Variants in ATR observed in about 807,000 individuals in gnomAD.
The protein encoded by ATR is ATR checkpoint kinase.
ATR carries 142 observed loss-of-function variants against 305.3 expected under a neutral mutation model. The ratio of observed to expected loss-of-function variants is 0.47; its 90% CI spans 0.41 to 0.53. The LOEUF is 0.53. Among genes scored for constraint, ATR ranks in the 20% least tolerant of loss-of-function variants. The pLI is 0.00. For missense variants in ATR, 2,135 were observed against 3,133.1 expected (o/e 0.68, Z 7.60); for synonymous variants, 1,050 against 1,068.1 (o/e 0.98, Z 0.33).
intron 36 of ATR, among the ~76,000 whole-genome samples, chr3:142,476,669 A>C (rs1015064268): frequency 1.3e-5 from 2 of 152,128 alleles, no homozygotes; most frequent in Non-Finnish European, 2.9e-5. Flanking sequence ...CATTGAATCT[A>C]TAAATTACCT....
At chr3:142,560,944 A>C (rs1461130986) in intron 5 of ATR, among the ~76,000 whole-genome samples, 2 of 152,222 alleles carry the variant, frequency 1.3e-5, no homozygotes, top group African/African-American at 4.8e-5. Flanking sequence ...TATAAAAAAT[A>C]GTTGGTTAAT....
chr3:142,472,782 T>C (rs1256821382), intron 36 of ATR, among the ~76,000 whole-genome samples: 1 of 151,996 alleles, frequency 6.6e-6, no homozygotes, highest in African/African-American at 2.4e-5. Flanking sequence ...GGACTGCAGG[T>C]GCATACCACC....
At chr3:142,561,121 G>T in intron 5 of ATR, 122 bp downstream of exon 5, 2 of 1,100,958 alleles carry the variant, frequency 1.8e-6, no homozygotes, top group Non-Finnish European at 2.7e-6. Context: ...GCACTCCCTT[G>T]GCTACATTTA....
intron 39 of ATR, 39 bp downstream of exon 39, chr3:142,467,895 C>G (rs1463426271): frequency 6.2e-7 from 1 of 1,603,814 alleles, no homozygotes; most frequent in African/African-American, 1.3e-5. Flanking sequence ...TACATAATTA[C>G]CCAACATCAG....
chr3:142,554,058 T>A, intron 10 of ATR, 43 bp from the exon 11 acceptor site: 1 of 1,480,034 alleles, frequency 6.8e-7, no homozygotes, highest in South Asian at 1.2e-5. Flanking sequence ...ACATATTAAA[T>A]GTCAAGGTTG....
Position 142,498,659 on chromosome 3 carries a change from T to C in ATR, c.5496A>G (p.Val1832=), listed in dbSNP as rs2031780916. 2 of 1,614,074 alleles carry C rather than the reference T, an allele frequency of 1.2e-6. No homozygotes were observed. Among genetic ancestry groups the C allele is most frequent in the East Asian group, 4.5e-5 (2 of 44,864 alleles). ...TTTCAAAGCTTGCAGCTGAAAGAGG[T>C]ACAATTTGTTCTGCTCTCACTAGTT... ...SLKLVRAEQI[V]PLSAASFERG... The change falls in exon 32 of 47, where the codon GTA becomes GTG. Residue 1832 remains valine, a synonymous_variant. Coordinates refer to ENST00000350721, the MANE Select transcript of ATR (RefSeq NM_001184.4).
intron 21 of ATR, 144 bp downstream of exon 21, chr3:142,534,936 A>G: frequency 1.1e-6 from 1 of 928,680 alleles, no homozygotes; most frequent in East Asian, 2.8e-5. Context: ...TGGATTCCTA[A>G]TTCTCAGTCA....
Position 142,536,129 on chromosome 3 carries a change from G to A in ATR, c.3798C>T (p.Ala1266=), listed in dbSNP as rs760913107. 8.8e-6 allele frequency: 14 copies of A among 1,585,610 alleles called. No individual in the cohort carries two copies. Among genetic ancestry groups the A allele is most frequent in the Admixed American group, 1.7e-5 (1 of 59,846 alleles). ...ATACCTTTCTGTATTCCTGGAGAAC[G>A]GCTTTTATCTTTTTTAATTCTGGAT... ...PDHPELKKIK[A]VLQEYRKETS... Residue 1266 remains alanine (A), a synonymous_variant, in exon 20 of 47, where the codon GCC becomes GCT. Coordinates refer to ENST00000350721, the MANE Select transcript of ATR (RefSeq NM_001184.4).
chr3:142,469,610 G>T, intron 37 of ATR, 41 bp from the exon 38 acceptor site: 1 of 1,528,746 alleles, frequency 6.5e-7, no homozygotes, highest in Non-Finnish European at 9.1e-7. Context: ...AAAGGAAAGA[G>T]AAAAATCAGT....
chr3:142,523,543 G>C (rs1389783092), intron 22 of ATR, among the ~76,000 whole-genome samples: 2 of 152,096 alleles, frequency 1.3e-5, no homozygotes, highest in Non-Finnish European at 2.9e-5. Flanking sequence ...TGGAGATATA[G>C]TCTTAGAGAT....
At chr3:142,493,464 G>T (rs2031409482) in intron 34 of ATR, among the ~76,000 whole-genome samples, 153 bp from the exon 35 acceptor site, 1 of 152,136 alleles carries the variant, frequency 6.6e-6, no homozygotes, top group African/African-American at 2.4e-5. Context: ...TTCTAAAACT[G>T]AAACATTGCT....
intron 20 of ATR, 120 bp from the exon 21 acceptor site, chr3:142,535,325 A>AT: frequency 8.8e-7 from 1 of 1,137,256 alleles, no homozygotes; most frequent in Non-Finnish European, 1.3e-6. Flanking sequence ...TTTTAAAGTA[A>AT]TGAAATTTCC....
At chr3:142,480,221 T>G (rs2030321747) in intron 36 of ATR, among the ~76,000 whole-genome samples, 1 of 152,232 alleles carries the variant, frequency 6.6e-6, no homozygotes, top group Non-Finnish European at 1.5e-5. Flanking sequence ...TGTGGTTTTA[T>G]CTACCTTTGG....
chr3:142,492,922 G>A (rs952872513), intron 35 of ATR, among the ~76,000 whole-genome samples: 1 of 152,150 alleles, frequency 6.6e-6, no homozygotes, highest in African/African-American at 2.4e-5. Flanking sequence ...GAAGGGTAGT[G>A]GGGTTATAGA....
rs1433380980 is a variant in ATR at position 142,508,098 on chromosome 3, C to T, written c.4864G>A (p.Asp1622Asn). The change falls in exon 28 of 47, where the codon GAT becomes AAT. Residue 1622 changes from aspartate to asparagine, a missense_variant. Physicochemically the swap from Asp to Asn is conservative, Grantham distance 23. Around this residue, in one of 9 missense-constraint regions of ATR, gnomAD observed 202 missense variants for 252.9 expected, o/e 0.80. Transcript: ENST00000350721. ...NKVDSMVSTVDYEDYQSVTRF... is the reference protein window; with the variant it reads ...NKVDSMVSTVNYEDYQSVTRF... ...GTTACACTCTGATAGTCTTCATAATCCACAGTAGATACTAGATCATAAAAA... is the reference window on the plus strand; with the variant it reads ...GTTACACTCTGATAGTCTTCATAATTCACAGTAGATACTAGATCATAAAAA... 9 of 1,611,340 alleles carry T rather than the reference C, an allele frequency of 5.6e-6. No homozygotes were observed. The highest frequency in any genetic ancestry group is 6.8e-6 in the Non-Finnish European group (8 of 1,178,916).
Position 142,547,849 on chromosome 3 carries a change from T to C in ATR, c.3233A>G (p.Glu1078Gly). 1 of 1,614,022 alleles carries C rather than the reference T, an allele frequency of 6.2e-7. No individual in the cohort carries two copies. Among genetic ancestry groups the C allele is most frequent in the South Asian group, 1.1e-5 (1 of 91,078 alleles). ...GTGTTCTCCAATACGCAGCAATAAT[T>C]CATTATGCAATCCTTGGAAATCTTG... The part of the protein sequence containing the change: ...LRQDFQGLHN[E>G]LLLRIGEHYQ... The change falls in exon 16 of 47, where the codon GAA becomes GGA. Residue 1078 changes from glutamate to glycine, a missense_variant. Glu to Gly is a moderately conservative substitution (Grantham distance 98). This residue lies in a region of ATR where 530 missense variants were observed against 766.8 expected (regional missense o/e 0.69). Coordinates refer to ENST00000350721, the MANE Select transcript of ATR (RefSeq NM_001184.4).
At chr3:142,521,400 G>A (rs1315868534) in intron 23 of ATR, among the ~76,000 whole-genome samples, 6 of 152,174 alleles carry the variant, frequency 3.9e-5, no homozygotes, top group South Asian at 2.1e-4. Flanking sequence ...TTTGCAGCCC[G>A]TGTATCAAGG....
chr3:142,550,408 T>A (rs906727594), intron 13 of ATR, 106 bp from the exon 14 acceptor site: 8 of 1,190,860 alleles, frequency 6.7e-6, no homozygotes, highest in Middle Eastern at 1.9e-4. Context: ...TTCTACATTA[T>A]CTGAATTGGT....
At chr3:142,506,498 G>A (rs1452500803) in intron 28 of ATR, among the ~76,000 whole-genome samples, 4 of 151,926 alleles carry the variant, frequency 2.6e-5, no homozygotes, top group African/African-American at 9.7e-5. Context: ...GGCCAGCCCA[G>A]GCAACATGGA....
Sources: gnomAD v4.1 joint callset for allele counts (sites outside exome capture counted in the v4.1 genomes callset) on GRCh38, gnomAD v4.1.1 for gene constraint, gnomAD v4.1.1 regional missense constraint, MANE v1.5 for transcripts, NCBI Gene and HGNC (gene_info 2026-07-23, HGNC 2026-07-21) for gene names.